EML6: variants seen among roughly 807,000 people sequenced by gnomAD.
EML6 encodes the protein echinoderm microtubule-associated protein-like 6.
In EML6, 154 loss-of-function variants were observed where a neutral mutation model predicts 240.1. That is an observed-to-expected ratio of 0.64 (90% CI 0.56 to 0.73). The LOEUF (loss-of-function observed/expected upper bound fraction) is 0.73, where lower values mean the gene tolerates loss of function less well. Ranked by LOEUF, EML6 falls within the 30% of genes least tolerant of loss-of-function variation. The pLI is 0.00. For synonymous variants in EML6, 1,148 were observed against 899.0 expected, an observed-to-expected ratio of 1.28 and a Z score of -4.95; for missense variants, 2,964 against 2,474.6, an observed-to-expected ratio of 1.20 and a Z score of -4.20.
intron 2 of EML6, among the ~76,000 whole-genome samples, chr2:54,777,841 G>A (rs1251335764): frequency 6.6e-6 from 1 of 152,136 alleles, no homozygotes; most frequent in Non-Finnish European, 1.5e-5. Context: ...TGGGTTATTT[G>A]AGAATATGAT....
intron 32 of EML6, among the ~76,000 whole-genome samples, chr2:54,957,252 G>A (rs1381748548): frequency 6.7e-6 from 1 of 149,988 alleles, no homozygotes; most frequent in Non-Finnish European, 1.5e-5. Flanking sequence ...AATAAATGGG[G>A]TTAAGGAAAA....
At chr2:54,832,411 G>A (rs574638955) in intron 7 of EML6, among the ~76,000 whole-genome samples, 38 of 152,314 alleles carry the variant, frequency 2.5e-4, no homozygotes, top group East Asian at 5.8e-4. Flanking sequence ...TCTCAGAACC[G>A]GCCCTCCTGT....
intron 18 of EML6, among the ~76,000 whole-genome samples, chr2:54,891,553 T>A (rs1672468438): frequency 6.6e-6 from 1 of 152,192 alleles, no homozygotes; most frequent in Non-Finnish European, 1.5e-5. Flanking sequence ...AAACCCTGAG[T>A]CTGCCCACAA....
intron 26 of EML6, among the ~76,000 whole-genome samples, chr2:54,920,984 TAG>T (rs970518738): frequency 2.6e-5 from 4 of 151,764 alleles, no homozygotes; most frequent in African/African-American, 9.7e-5. Flanking sequence ...ACACTTCAAT[TAG>T]ATATAGAAGG....
chr2:54,923,232 C>T (rs140765492), intron 26 of EML6, among the ~76,000 whole-genome samples: 3 of 152,126 alleles, frequency 2.0e-5, no homozygotes, highest in African/African-American at 4.8e-5. Flanking sequence ...TGAGCCACCA[C>T]GCCTGGCCAA....
chr2:54,932,807 C>G (rs987275631), intron 28 of EML6, among the ~76,000 whole-genome samples: 1 of 152,112 alleles, frequency 6.6e-6, no homozygotes, highest in Non-Finnish European at 1.5e-5. Context: ...TGCTTGGTAC[C>G]AAATTACTAG....
In EML6 at chr2:54,926,674, C is replaced by A. The variant is rs140869855; in HGVS notation, c.3676-1639C>A. Among the ~76,000 whole-genome samples the A allele has an allele frequency of 2.6e-5, 4 of 152,336 alleles. No homozygotes were observed. In the East Asian group the frequency reaches 7.7e-4, roughly 29 times the overall value. ...CAACTGTCAATTCCCTTTATTGTTG[C>A]ATGGAGCAGTGATTTTCTTTCCTAT... On this transcript the variant is annotated intron_variant, in intron 26 of 41. Coordinates refer to ENST00000356458, the MANE Select transcript of EML6 (RefSeq NM_001039753.4).
chr2:54,928,179 T>G (rs1674657872), intron 26 of EML6, 134 bp from the exon 27 acceptor site: 1 of 739,212 alleles, frequency 1.4e-6, no homozygotes, highest in South Asian at 1.6e-5. Context: ...CACATGGAGC[T>G]TACATTCTAG....
intron 28 of EML6, among the ~76,000 whole-genome samples, chr2:54,930,140 A>T (rs1674776406): frequency 6.6e-6 from 1 of 152,180 alleles, no homozygotes; most frequent in South Asian, 2.1e-4. Flanking sequence ...TTCACATACC[A>T]TTATGAAATG....
At chr2:54,952,753 A>T in intron 31 of EML6, 61 bp downstream of exon 31, 1 of 1,155,538 alleles carries the variant, frequency 8.7e-7, no homozygotes, top group South Asian at 1.3e-5. Flanking sequence ...CCTGTCAGCA[A>T]TTATTGGGAG....
chr2:54,968,233 T>C lies in EML6; in HGVS notation c.5703T>C (p.Asp1901=). Residue 1901 remains aspartate (D), a synonymous_variant, in exon 40 of 42, where the codon GAT becomes GAC. Coordinates refer to ENST00000356458, the MANE Select transcript of EML6 (RefSeq NM_001039753.4). ...THAGLNIVTG[D]DFGLVKLFDF... is the part of the protein sequence containing the mutation. Reference sequence around the variant, plus strand: ...CTGGCCTGAACATTGTCACAGGAGATGACTTTGGGCTGGTGAAGCTCTTTG... The same window carrying C: ...CTGGCCTGAACATTGTCACAGGAGACGACTTTGGGCTGGTGAAGCTCTTTG... 2 of 1,551,750 alleles carry C rather than the reference T, an allele frequency of 1.3e-6. No homozygotes were observed. Among genetic ancestry groups the C allele is most frequent in the Non-Finnish European group, 1.7e-6 (2 of 1,147,002 alleles).
rs1284587340 is a variant in EML6, at chr2:54,968,239, T to A, written c.5709T>A (p.Phe1903Leu). The A allele has an allele frequency of 1.3e-6, 2 of 1,551,652 alleles. No individual in the cohort carries two copies. The highest frequency in any genetic ancestry group is 1.7e-6 in the Non-Finnish European group (2 of 1,147,012). The change falls in exon 40 of 42, where the codon TTT becomes TTA. Residue 1903 changes from phenylalanine to leucine, a missense_variant. Coordinates refer to ENST00000356458, the MANE Select transcript of EML6 (RefSeq NM_001039753.4). ...TGAACATTGTCACAGGAGATGACTT[T>A]GGGCTGGTGAAGCTCTTTGATTTTC... ...AGLNIVTGDD[F>L]GLVKLFDFPC...
At chr2:54,755,140 T>G (rs1056267573) in intron 2 of EML6, among the ~76,000 whole-genome samples, 1 of 152,234 alleles carries the variant, frequency 6.6e-6, no homozygotes, top group African/African-American at 2.4e-5. Flanking sequence ...ATTGAAAAGA[T>G]CATTTTTTAA....
At chr2:54,768,222 G>C (rs1203330524) in intron 2 of EML6, among the ~76,000 whole-genome samples, 5 of 151,240 alleles carry the variant, frequency 3.3e-5, no homozygotes, top group Non-Finnish European at 7.4e-5. Context: ...ATGTTGTTTT[G>C]GCCTTAGTTG....
Position 54,758,646 on chromosome 2 carries a change from T to C in EML6, c.197+33388T>C, listed in dbSNP as rs114051010. On this transcript the variant is annotated intron_variant, in intron 2 of 41. Coordinates refer to ENST00000356458, the MANE Select transcript of EML6 (RefSeq NM_001039753.4). ...CATTTGTTTGTCTCTCTCTTCCTTG[T>C]GACTGATTCTGGAAGACAGGATCAT... Among the ~76,000 whole-genome samples, 1,276 of 152,320 alleles carry C rather than the reference T, an allele frequency of 8.4e-3. 10 individuals carry two copies. The highest frequency in any genetic ancestry group is 0.014 in the Non-Finnish European group (942 of 68,028).
At position 54,844,257 on chromosome 2, in the gene EML6, C is replaced by T. The variant is rs1392220098; in HGVS notation, c.1049+9C>T. ...GATGACCGCTCTGTCAGGTGAGGCC[C>T]TACCGCCGTCACCTCTCTGACTTCT... On this transcript the variant is annotated intron_variant, in intron 8 of 41. Transcript: ENST00000356458. 1.9e-6 allele frequency: 3 copies of T among 1,548,594 alleles called. No homozygotes were observed. The highest frequency in any genetic ancestry group is 2.0e-5 in the Admixed American group (1 of 50,974).
chr2:54,948,247 C>A (rs1325180441), intron 28 of EML6, among the ~76,000 whole-genome samples: 1 of 152,122 alleles, frequency 6.6e-6, no homozygotes, highest in Non-Finnish European at 1.5e-5. Flanking sequence ...GAAAAGCAAC[C>A]TTTGGTGTGG....
chr2:54,833,554 G>A (rs1572970518), intron 7 of EML6, among the ~76,000 whole-genome samples: 1 of 152,236 alleles, frequency 6.6e-6, no homozygotes, highest in South Asian at 2.1e-4. Context: ...AATGATTGGA[G>A]ATGGGTCACA....
intron 5 of EML6, 147 bp from the exon 6 acceptor site, chr2:54,827,419 T>A: frequency 4.7e-6 from 3 of 636,108 alleles, no homozygotes; most frequent in Non-Finnish European, 8.1e-6. Flanking sequence ...TGTTACATGT[T>A]GTTATGTTAC....
Sources: allele counts gnomAD v4.1 joint callset (sites outside exome capture counted in the v4.1 genomes callset), GRCh38; gene constraint gnomAD v4.1.1; transcripts MANE v1.5; gene names NCBI Gene and HGNC (gene_info 2026-07-23, HGNC 2026-07-21).